ADARB2: variants seen among roughly 807,000 people sequenced by gnomAD.
The protein encoded by ADARB2 is adenosine deaminase RNA specific B2 (inactive).
In ADARB2, 25 loss-of-function variants were observed where a neutral mutation model predicts 62.2. The ratio of observed to expected loss-of-function variants is 0.40; its 90% CI spans 0.29 to 0.56. ADARB2 has a LOEUF of 0.56. ADARB2 is among the 20% of genes least tolerant of loss of function. The pLI is 0.43. For synonymous variants in ADARB2, 572 were observed against 500.8 expected (o/e 1.14, Z -1.90); for missense variants, 1,071 against 1,077.4 (o/e 0.99, Z 0.08).
intron 1 of ADARB2, among the ~76,000 whole-genome samples, chr10:1,707,578 G>C (rs2119148142): frequency 6.6e-6 from 1 of 152,338 alleles, no homozygotes; most frequent in Non-Finnish European, 1.5e-5. Context: ...GGCCTGGTCT[G>C]TTAGGTGGAG....
intron 3 of ADARB2, among the ~76,000 whole-genome samples, chr10:1,360,189 T>A (rs1381166151): frequency 2.6e-5 from 4 of 152,208 alleles, no homozygotes; most frequent in Admixed American, 2.6e-4. Context: ...GACTGCATCG[T>A]CCCAGCAGGA....
intron 1 of ADARB2, among the ~76,000 whole-genome samples, chr10:1,643,548 C>T (rs1004854611): frequency 1.3e-5 from 2 of 152,194 alleles, no homozygotes; most frequent in Admixed American, 6.5e-5. Flanking sequence ...ACGTCAGCTT[C>T]ACCAGTATGG....
intron 4 of ADARB2, among the ~76,000 whole-genome samples, chr10:1,266,412 G>T (rs988698505): frequency 6.7e-6 from 1 of 149,270 alleles, no homozygotes; most frequent in African/African-American, 2.5e-5. Flanking sequence ...CATTTGTTCA[G>T]CATGAAAGAT....
intron 8 of ADARB2, among the ~76,000 whole-genome samples, chr10:1,185,408 G>A (rs912363244): frequency 6.6e-6 from 1 of 152,200 alleles, no homozygotes; most frequent in Non-Finnish European, 1.5e-5. Flanking sequence ...ACCTTTGCAG[G>A]CCCCGCTCTG....
chr10:1,271,649 CACATACACAT>C (rs1831264548), intron 3 of ADARB2, among the ~76,000 whole-genome samples: 2 of 152,198 alleles, frequency 1.3e-5, no homozygotes, highest in Admixed American at 1.3e-4. Flanking sequence ...CACAGACACA[CACATACACAT>C]ACACGTGTGC....
chr10:1,645,192 C>T (rs924904255), intron 1 of ADARB2, among the ~76,000 whole-genome samples: 2 of 152,232 alleles, frequency 1.3e-5, no homozygotes, highest in African/African-American at 2.4e-5. Context: ...TAAGACGCTT[C>T]AGTCAGATTA....
At chr10:1,223,195 A>C (rs1830710551) in intron 6 of ADARB2, among the ~76,000 whole-genome samples, 1 of 151,592 alleles carries the variant, frequency 6.6e-6, no homozygotes, top group Admixed American at 6.6e-5. Flanking sequence ...ATGGGAGTTC[A>C]CTCATGATTT....
At chr10:1,264,734 C>T (rs1415031075) in intron 4 of ADARB2, among the ~76,000 whole-genome samples, 1 of 152,164 alleles carries the variant, frequency 6.6e-6, no homozygotes, top group Non-Finnish European at 1.5e-5. Flanking sequence ...GAGGCCGGAC[C>T]ACTTCCCTCA....
intron 1 of ADARB2, among the ~76,000 whole-genome samples, chr10:1,542,992 C>G (rs1027898014): frequency 6.6e-6 from 1 of 152,180 alleles, no homozygotes; most frequent in African/African-American, 2.4e-5. Context: ...TCCGCCCGAG[C>G]AGATTCTTGT....
At chr10:1,607,559 C>CT (rs552921879) in intron 1 of ADARB2, among the ~76,000 whole-genome samples, 265 of 152,174 alleles carry the variant, frequency 1.7e-3, no homozygotes, top group Non-Finnish European at 2.5e-3. Context: ...TACCGAAGCC[C>CT]TATTCACCTG....
chr10:1,582,477 C>T (rs1344456721), intron 1 of ADARB2, among the ~76,000 whole-genome samples: 1 of 152,200 alleles, frequency 6.6e-6, no homozygotes, highest in Non-Finnish European at 1.5e-5. Flanking sequence ...CCAGAAATGG[C>T]CTTCGAAGAA....
chr10:1,187,527 G>A (rs1836776918), intron 8 of ADARB2, among the ~76,000 whole-genome samples: 1 of 152,262 alleles, frequency 6.6e-6, no homozygotes, highest in Admixed American at 6.5e-5. Context: ...GTCTACACAG[G>A]ACCTCCTGGT....
At chr10:1,631,207 T>A (rs1378605241) in intron 1 of ADARB2, among the ~76,000 whole-genome samples, 1 of 152,064 alleles carries the variant, frequency 6.6e-6, no homozygotes, top group African/African-American at 2.4e-5. Context: ...TCCATGAACG[T>A]CCACCTCCAC....
intron 1 of ADARB2, among the ~76,000 whole-genome samples, chr10:1,731,119 A>G (rs1835225652): frequency 6.6e-6 from 1 of 152,122 alleles, no homozygotes; most frequent in Non-Finnish European, 1.5e-5. Flanking sequence ...GGCTGGAGGG[A>G]GATTGTGGAT....
At chr10:1,539,091 G>A (rs1433141371) in intron 1 of ADARB2, among the ~76,000 whole-genome samples, 1 of 152,208 alleles carries the variant, frequency 6.6e-6, no homozygotes, top group Non-Finnish European at 1.5e-5. Flanking sequence ...TTTCCTCTAG[G>A]AGACTGTAGC....
intron 1 of ADARB2, among the ~76,000 whole-genome samples, chr10:1,681,424 T>A (rs1588350634): frequency 6.6e-6 from 1 of 152,192 alleles, no homozygotes; most frequent in Admixed American, 6.5e-5. Flanking sequence ...TGACTCCATT[T>A]CTTCCTGTGA....
At chr10:1,554,988 G>A (rs969637815) in intron 1 of ADARB2, among the ~76,000 whole-genome samples, 2 of 152,084 alleles carry the variant, frequency 1.3e-5, no homozygotes, top group African/African-American at 4.8e-5. Flanking sequence ...TTGTTTTTCT[G>A]TTTCTGCATT....
intron 1 of ADARB2, among the ~76,000 whole-genome samples, chr10:1,601,825 A>G (rs1159503207): frequency 6.6e-6 from 1 of 152,220 alleles, no homozygotes; most frequent in East Asian, 1.9e-4. Context: ...TGTGGGTCAC[A>G]GTGAGAAAAG....
At chr10:1,485,836 T>C (rs776887138) in intron 1 of ADARB2, among the ~76,000 whole-genome samples, 90 of 152,218 alleles carry the variant, frequency 5.9e-4, no homozygotes, top group Admixed American at 2.6e-3. Context: ...AATTCAGACT[T>C]GCAATGTGAT....
Sources: gnomAD v4.1 joint callset for allele counts (sites outside exome capture counted in the v4.1 genomes callset) on GRCh38, gnomAD v4.1.1 for gene constraint, MANE v1.5 for transcripts, NCBI Gene and HGNC (gene_info 2026-07-23, HGNC 2026-07-21) for gene names.